The following GRIP1 variants were observed in gnomAD, a reference collection of about 807,000 sequenced individuals.
The protein encoded by GRIP1 is glutamate receptor interacting protein 1.
A neutral mutation model predicts 129.9 loss-of-function variants in GRIP1; 45 were observed. That is an observed-to-expected ratio of 0.35 (90% CI 0.27 to 0.44). The LOEUF is 0.44. Among genes scored for constraint, GRIP1 ranks in the 20% least tolerant of loss-of-function variants. The pLI is 1.00. For synonymous variants in GRIP1, 530 were observed against 520.8 expected (o/e 1.02, Z -0.24); for missense variants, 1,196 against 1,396.8 (o/e 0.86, Z 2.29).
intron 9 of GRIP1, among the ~76,000 whole-genome samples, chr12:66,459,530 G>A (rs1425906792): frequency 6.6e-6 from 1 of 152,148 alleles, no homozygotes; most frequent in Non-Finnish European, 1.5e-5. Flanking sequence ...TGTTAGGACT[G>A]TACAGCACAA....
chr12:66,661,473 A>AG lies in GRIP1; in HGVS notation c.55+17376dup, dbSNP rs1169150897. Among the ~76,000 whole-genome samples, 22 of 74,372 alleles carry AG rather than the reference A, an allele frequency of 3.0e-4. 2 individuals are homozygous for AG. Among genetic ancestry groups the AG allele is most frequent in the South Asian group, 1.2e-3 (3 of 2,516 alleles). 48.8% of individuals were successfully genotyped at this position (74,372 alleles called of 152,430 possible). A position where few individuals can be genotyped will look rare whatever the true frequency, so the allele number is the denominator to read the frequency against. On this transcript the variant is annotated intron_variant, in intron 1 of 24. Transcript: ENST00000359742. ...TTAGATTTTGGCAAAAAAAAAAAAA[A>AG]GGTGGAGGGGAGATGGGAAAAAAAA... is the stretch of plus-strand genomic sequence containing the variant.
At chr12:66,750,107 TTCTC>T (rs2037078112) in intron 1 of GRIP1, among the ~76,000 whole-genome samples, 1 of 152,216 alleles carries the variant, frequency 6.6e-6, no homozygotes, top group South Asian at 2.1e-4. Flanking sequence ...CACATTTTTC[TTCTC>T]TCTAATGAGC....
chr12:67,068,724 C>A (rs1446890421), intron 1 of GRIP1, among the ~76,000 whole-genome samples: 1 of 149,424 alleles, frequency 6.7e-6, no homozygotes, highest in Non-Finnish European at 1.5e-5. Context: ...GACGGCCGCT[C>A]GGAGCTCCAC....
intron 1 of GRIP1, among the ~76,000 whole-genome samples, chr12:66,971,365 T>C (rs1250281111): frequency 6.6e-6 from 1 of 152,190 alleles, no homozygotes; most frequent in African/African-American, 2.4e-5. Context: ...TTTTTCATAT[T>C]CCTATTTTCA....
At chr12:66,396,600 C>T (rs1348843588) in intron 16 of GRIP1, among the ~76,000 whole-genome samples, 2 of 152,200 alleles carry the variant, frequency 1.3e-5, no homozygotes, top group East Asian at 1.9e-4. Flanking sequence ...GCATCTGAGT[C>T]CTCACTGACT....
intron 1 of GRIP1, among the ~76,000 whole-genome samples, chr12:66,690,069 C>T (rs2034926223): frequency 6.6e-6 from 1 of 152,020 alleles, no homozygotes; most frequent in Non-Finnish European, 1.5e-5. Context: ...CAGGCAAATG[C>T]CATCACACAT....
intron 11 of GRIP1, among the ~76,000 whole-genome samples, chr12:66,453,071 G>GAA (rs965855307): frequency 6.6e-6 from 1 of 152,176 alleles, no homozygotes; most frequent in Non-Finnish European, 1.5e-5. Context: ...GAAATGTATT[G>GAA]AAATAGGTAT....
chr12:66,539,097 C>T lies in GRIP1; in HGVS notation c.399G>A (p.Glu133=). The change falls in exon 4 of 25, where the codon GAG becomes GAA. Residue 133 remains glutamate, a synonymous_variant. Coordinates refer to ENST00000359742, the MANE Select transcript of GRIP1 (RefSeq NM_001366722.1). ...NVGERVVLEV[E]YELPPVSVQG... is the part of the protein sequence containing the mutation. ...ACTTACAGACCGGTGGAAGCTCGTA[C>T]TCTACTTCAAGAACCACTCTTTCTC... 6.2e-7 allele frequency: 1 copy of T among 1,614,014 alleles called. No individual in the cohort carries two copies. Among genetic ancestry groups the T allele is most frequent in the Non-Finnish European group, 8.5e-7 (1 of 1,179,958 alleles).
chr12:66,359,923 T>G (rs1010387850), intron 23 of GRIP1, among the ~76,000 whole-genome samples: 5 of 152,154 alleles, frequency 3.3e-5, no homozygotes, highest in Non-Finnish European at 7.3e-5. Flanking sequence ...CAAAAATAAT[T>G]CTAAGGATTC....
chr12:66,577,634 T>C (rs992676423), intron 2 of GRIP1, among the ~76,000 whole-genome samples: 2 of 152,094 alleles, frequency 1.3e-5, no homozygotes, highest in Non-Finnish European at 2.9e-5. Context: ...GGGCAAAACT[T>C]TGTGGGTGGA....
chr12:66,516,010 G>A (rs1285493194), intron 6 of GRIP1, among the ~76,000 whole-genome samples: 1 of 152,050 alleles, frequency 6.6e-6, no homozygotes, highest in Non-Finnish European at 1.5e-5. Flanking sequence ...TTACCCACAG[G>A]TAATTCTTGG....
chr12:66,723,202 T>C (rs1485755811), intron 1 of GRIP1, among the ~76,000 whole-genome samples: 1 of 58,062 alleles, frequency 1.7e-5, no homozygotes, highest in African/African-American at 9.3e-5. Flanking sequence ...TTTCATCTTC[T>C]TTTCTTTCTT....
intron 16 of GRIP1, among the ~76,000 whole-genome samples, chr12:66,402,967 T>G (rs1387495851): frequency 6.6e-6 from 1 of 152,206 alleles, no homozygotes; most frequent in African/African-American, 2.4e-5. Context: ...GAGCATGGAC[T>G]GTGCCAGTAT....
chr12:66,465,351 C>A lies in GRIP1; in HGVS notation c.796G>T (p.Ala266Ser). The change falls in exon 8 of 25, where the codon GCC (alanine) becomes TCC (serine). Residue 266 changes from alanine (A) to serine (S), a missense_variant. Coordinates refer to ENST00000359742, the MANE Select transcript of GRIP1 (RefSeq NM_001366722.1). ...AKTPGASLGV[A>S]LTTSMCCNKQ... ...TTACAGCACATCGAGGTAGTTAGGG[C>A]AACCCCAAGGCTGGCACCAGGAGTT... 1.2e-6 allele frequency: 2 copies of A among 1,613,838 alleles called. No homozygotes were observed. The highest frequency in any genetic ancestry group is 1.1e-5 in the South Asian group (1 of 91,074).
At chr12:66,577,737 C>T (rs2063190872) in intron 2 of GRIP1, among the ~76,000 whole-genome samples, 1 of 151,990 alleles carries the variant, frequency 6.6e-6, no homozygotes, top group Non-Finnish European at 1.5e-5. Context: ...ATTGCTTGAG[C>T]CCAGGAATTC....
chr12:66,815,527 G>C (rs947049551), intron 1 of GRIP1, among the ~76,000 whole-genome samples: 2 of 152,124 alleles, frequency 1.3e-5, no homozygotes, highest in African/African-American at 4.8e-5. Flanking sequence ...TTGGGAGGCT[G>C]GGGTGAGTGG....
chr12:66,516,406 C>T (rs1471830441), intron 6 of GRIP1, among the ~76,000 whole-genome samples: 1 of 152,140 alleles, frequency 6.6e-6, no homozygotes, highest in Non-Finnish European at 1.5e-5. Context: ...CCCCAGATAA[C>T]ACTCCCTGCC....
chr12:66,545,630 A>T (rs922137325), intron 2 of GRIP1, among the ~76,000 whole-genome samples: 2 of 152,212 alleles, frequency 1.3e-5, no homozygotes, highest in Admixed American at 1.3e-4. Flanking sequence ...TCATTCATTC[A>T]ATAAGAACTG....
At chr12:66,694,884 G>T (rs1346573188) in intron 1 of GRIP1, among the ~76,000 whole-genome samples, 1 of 152,162 alleles carries the variant, frequency 6.6e-6, no homozygotes, top group Non-Finnish European at 1.5e-5. Context: ...GAGCCTAAGG[G>T]CAGAGCTAGT....
Sources: gnomAD v4.1 joint callset for allele counts (sites outside exome capture counted in the v4.1 genomes callset) on GRCh38, gnomAD v4.1.1 for gene constraint, MANE v1.5 for transcripts, NCBI Gene and HGNC (gene_info 2026-07-23, HGNC 2026-07-21) for gene names.